The following ZNF821 variants were observed in gnomAD, a reference collection of about 807,000 sequenced individuals.
ZNF821 encodes the protein zinc finger protein 821.
ZNF821 carries 16 observed loss-of-function variants against 44.3 expected under a neutral mutation model. The ratio of observed to expected loss-of-function variants is 0.36; its 90% confidence interval spans 0.24 to 0.55. The LOEUF (loss-of-function observed/expected upper bound fraction) is 0.55, where lower values mean the gene tolerates loss of function less well. ZNF821 is among the 20% of genes least tolerant of loss of function. The pLI is 0.86. For missense variants in ZNF821, 436 were observed against 547.6 expected, an observed-to-expected ratio of 0.80 and a Z score of 2.03; for synonymous variants, 204 against 197.6, an observed-to-expected ratio of 1.03 and a Z score of -0.27.
Position 71,859,746 on chromosome 16 carries a change from C to A in ZNF821, c.*272G>T. On this transcript the variant is annotated 3_prime_UTR_variant, in exon 8 of 8. Coordinates refer to ENST00000425432, the MANE Select transcript of ZNF821 (RefSeq NM_001201552.2). The stretch of plus-strand genomic sequence containing the variant: ...ATGGGCCACACAGGGGCCCCACAGT[C>A]CTAGAAGCACAGCCTGTGGCAGTGG... 2.1e-6 allele frequency: 1 copy of A among 483,614 alleles called. No homozygotes were observed. Among genetic ancestry groups the A allele is most frequent in the Non-Finnish European group, 3.6e-6 (1 of 274,864 alleles). The allele number at this position is 483,614 out of a possible 1,614,324, so 30.0% of individuals were successfully genotyped here.
At chr16:71,893,263 G>C (rs1322682057) in intron 1 of ZNF821, among the ~76,000 whole-genome samples, 5 of 151,348 alleles carry the variant, frequency 3.3e-5, no homozygotes, top group South Asian at 2.1e-4. Context: ...TCCTGACCTC[G>C]TGATCCTCCC....
At position 71,864,742 on chromosome 16, in the gene ZNF821, A is replaced by C. The variant is rs2034335609; in HGVS notation, c.312+161T>G. On this transcript the variant is annotated intron_variant, in intron 5 of 7. Coordinates refer to ENST00000425432, the MANE Select transcript of ZNF821 (RefSeq NM_001201552.2). ...GGAAAACTGAGTGTGGCGAGAACTG[A>C]GAGTCTGAGGTGTGGGTTCTGGTGC... 1.4e-5 allele frequency: 11 copies of C among 799,948 alleles called. No homozygotes were observed. The East Asian group carries it at 2.1e-4, about 16-fold the overall frequency. 49.6% of individuals were successfully genotyped at this position (799,948 alleles called of 1,614,324 possible).
intron 5 of ZNF821, chr16:71,864,680 G>C (rs2034325089): frequency 1.9e-6 from 1 of 539,422 alleles, no homozygotes. Flanking sequence ...GCAGGAAAGA[G>C]AGCTGTGCAC....
chr16:71,864,871 T>G, intron 5 of ZNF821, 32 bp downstream of exon 5: 1 of 1,613,170 alleles, frequency 6.2e-7, no homozygotes, highest in Non-Finnish European at 8.5e-7. Flanking sequence ...AGGGCATTGC[T>G]GGACCTGGAC....
At chr16:71,863,457 G>C (rs1025972587) in intron 6 of ZNF821, among the ~76,000 whole-genome samples, 4 of 129,032 alleles carry the variant, frequency 3.1e-5, no homozygotes, top group Middle Eastern at 4.6e-3. Flanking sequence ...GCTGAAGCAT[G>C]ATCACTGCAG....
intron 4 of ZNF821, 140 bp from the exon 5 acceptor site, chr16:71,865,188 A>T: frequency 8.8e-7 from 1 of 1,141,608 alleles, no homozygotes; most frequent in Non-Finnish European, 1.2e-6. Context: ...TGTTGGGTAC[A>T]TATTATGTCA....
At chr16:71,873,616 AAT>A (rs1354877096) in intron 3 of ZNF821, among the ~76,000 whole-genome samples, 2 of 152,160 alleles carry the variant, frequency 1.3e-5, no homozygotes, top group Non-Finnish European at 2.9e-5. Flanking sequence ...GGATCCATCA[AAT>A]GTTGCTGGGT....
intron 5 of ZNF821, among the ~76,000 whole-genome samples, 175 bp from the exon 6 acceptor site, chr16:71,864,417 C>T (rs1295665153): frequency 6.6e-6 from 1 of 152,228 alleles, no homozygotes; most frequent in Non-Finnish European, 1.5e-5. Context: ...TTATGGCTTT[C>T]AGCCATGAGG....
intron 6 of ZNF821, 95 bp downstream of exon 6, chr16:71,864,043 A>G (rs2034244089): frequency 9.2e-7 from 1 of 1,091,690 alleles, no homozygotes; most frequent in African/African-American, 1.5e-5. Context: ...AGACTCCTTC[A>G]GGAGCCAGAG....
intron 7 of ZNF821, among the ~76,000 whole-genome samples, chr16:71,861,006 C>T (rs535503811): frequency 5.3e-5 from 8 of 152,290 alleles, no homozygotes; most frequent in Admixed American, 3.3e-4. Context: ...CAGGCGCACG[C>T]CACCACGCCC....
chr16:71,877,415 C>A (rs1209139683), intron 3 of ZNF821, among the ~76,000 whole-genome samples: 3 of 152,054 alleles, frequency 2.0e-5, no homozygotes, highest in Admixed American at 6.6e-5. Context: ...TGTATGCCCC[C>A]AGGCCTAGTT....
intron 2 of ZNF821, chr16:71,881,506 G>A (rs1218040570): frequency 2.0e-5 from 3 of 152,140 alleles, no homozygotes; most frequent in Non-Finnish European, 4.4e-5. Context: ...TATTTAGAGG[G>A]CAATATACTG....
At chr16:71,873,860 C>T (rs932209807) in intron 3 of ZNF821, among the ~76,000 whole-genome samples, 4 of 151,866 alleles carry the variant, frequency 2.6e-5, no homozygotes, top group African/African-American at 9.7e-5. Context: ...ACTATGTTGC[C>T]CAAGCTGGTC....
At chr16:71,877,963 A>T (rs2142451149) in intron 3 of ZNF821, among the ~76,000 whole-genome samples, 1 of 147,482 alleles carries the variant, frequency 6.8e-6, no homozygotes, top group African/African-American at 2.5e-5. Flanking sequence ...AAATATATAT[A>T]AATATATATG....
At chr16:71,889,373 A>G (rs148734877), upstream of ZNF821, among the ~76,000 whole-genome samples, 11 of 152,230 alleles carry the variant, frequency 7.2e-5, no homozygotes, top group East Asian at 1.7e-3. Flanking sequence ...CTTTCCTCCT[A>G]TAAAAACTGA....
chr16:71,879,873 T>A lies in ZNF821; in HGVS notation c.40+34A>T, dbSNP rs768929622. The A allele has an allele frequency of 1.9e-6, 3 of 1,605,602 alleles. No individual in the cohort carries two copies. The African/African-American group carries it at 4.0e-5, about 22-fold the overall frequency. Reference sequence around the variant, plus strand: ...ACTCTTCCATTCCACCCCTTAGCATTCCCAGGTTCCAGAAGACAAAGCCCG... The same window carrying A: ...ACTCTTCCATTCCACCCCTTAGCATACCCAGGTTCCAGAAGACAAAGCCCG... On this transcript the variant is annotated intron_variant, in intron 3 of 7. Coordinates refer to ENST00000425432, the MANE Select transcript of ZNF821 (RefSeq NM_001201552.2).
chr16:71,865,490 C>T (rs893647925), intron 4 of ZNF821, among the ~76,000 whole-genome samples: 3 of 152,198 alleles, frequency 2.0e-5, no homozygotes, highest in African/African-American at 7.2e-5. Context: ...CTACTCTGAA[C>T]CCCACTAATC....
rs544797495 is a variant in ZNF821, at chr16:71,860,949, A to C, written c.585-277T>G. Among the ~76,000 whole-genome samples, 56 of 150,118 alleles carry C rather than the reference A, an allele frequency of 3.7e-4. No individual in the cohort carries two copies. The South Asian group carries it at 0.012, about 32-fold the overall frequency. On this transcript the variant is annotated intron_variant, in intron 7 of 7. Coordinates refer to ENST00000425432, the MANE Select transcript of ZNF821 (RefSeq NM_001201552.2). This position sits in a 1 kb window ranked among gnomAD's most constrained non-coding sequence, Gnocchi z 7.3. ...CAGCTCACTGCAACCTCCGCCTCCTAGGTTCAAGCCATTCTCCTGCCTCAG... is the reference window on the plus strand; with the variant it reads ...CAGCTCACTGCAACCTCCGCCTCCTCGGTTCAAGCCATTCTCCTGCCTCAG...
At chr16:71,868,216 G>C (rs2034768565) in intron 3 of ZNF821, among the ~76,000 whole-genome samples, 179 bp from the exon 4 acceptor site, 1 of 152,150 alleles carries the variant, frequency 6.6e-6, no homozygotes, top group African/African-American at 2.4e-5. Context: ...GCTCTTCCTG[G>C]GCAGTAAGCC....
Sources: allele counts gnomAD v4.1 joint callset (sites outside exome capture counted in the v4.1 genomes callset), GRCh38; gene constraint gnomAD v4.1.1; non-coding constraint Gnocchi (gnomAD v3.1); transcripts MANE v1.5; gene names NCBI Gene and HGNC (gene_info 2026-07-23, HGNC 2026-07-21).